CD101: variants seen among roughly 807,000 people sequenced by gnomAD.
The protein encoded by CD101 is immunoglobulin superfamily member 2.
A neutral mutation model predicts 98.2 loss-of-function variants in CD101; 76 were observed. The ratio of observed to expected loss-of-function variants is 0.77; its 90% confidence interval spans 0.64 to 0.94. The LOEUF (loss-of-function observed/expected upper bound fraction) is 0.94. Among genes scored for constraint, CD101 ranks in the 40% least tolerant of loss-of-function variants. CD101 has a pLI of 0.00. For missense variants in CD101, 1,145 were observed against 1,218.8 expected (o/e 0.94, Z 0.90); for synonymous variants, 471 against 472.7 (o/e 1.00, Z 0.05).
chr1:117,030,952 C>T (rs116322563), intron 8 of CD101, among the ~76,000 whole-genome samples: 1 of 152,246 alleles, frequency 6.6e-6, no homozygotes, highest in African/African-American at 2.4e-5. Flanking sequence ...TGATGAAGTG[C>T]TCTCATTACA....
intron 2 of CD101, 122 bp from the exon 3 acceptor site, chr1:117,011,428 G>C: frequency 1.3e-6 from 1 of 774,066 alleles, no homozygotes; most frequent in South Asian, 1.7e-5. Flanking sequence ...GAAAGCATAT[G>C]GCAAGTGGAA....
intron 1 of CD101, among the ~76,000 whole-genome samples, chr1:117,007,993 C>G (rs1570711999): frequency 6.6e-6 from 1 of 152,182 alleles, no homozygotes; most frequent in South Asian, 2.1e-4. Context: ...ACACATTTCT[C>G]TAAGACGACA....
At chr1:117,017,064 G>A (rs375424406) in intron 4 of CD101, 26 bp from the exon 5 acceptor site, 12 of 1,589,658 alleles carry the variant, frequency 7.5e-6, no homozygotes, top group Middle Eastern at 1.7e-4. Context: ...AAACAGTTTT[G>A]TTCTTCTATA....
Position 117,010,891 on chromosome 1 carries a change from AT to A in CD101, c.425-656del, listed in dbSNP as rs540575140. Reference sequence around the variant, plus strand: ...GTATCCAGTTACATGGTAATTGGCTATTTGTATGCCTCTTTCCCACCACATC... The same window carrying A: ...GTATCCAGTTACATGGTAATTGGCTATTGTATGCCTCTTTCCCACCACATC... On this transcript the variant is annotated intron_variant, in intron 2 of 9. Coordinates refer to ENST00000682167, the MANE Select transcript of CD101 (RefSeq NM_001256106.3). This position sits in a 1 kb window ranked among gnomAD's most constrained non-coding sequence, Gnocchi z 5.2. Among the ~76,000 whole-genome samples the A allele has an allele frequency of 9.2e-5, 14 of 152,150 alleles. 1 individual carries two copies. In the South Asian group the frequency reaches 2.9e-3, roughly 32 times the overall value.
At chr1:117,034,755 T>A (rs1159363085) in intron 9 of CD101, among the ~76,000 whole-genome samples, 1 of 152,246 alleles carries the variant, frequency 6.6e-6, no homozygotes, top group African/African-American at 2.4e-5. Flanking sequence ...TTTTTGTTTA[T>A]TGTTTGATAA....
Position 117,017,458 on chromosome 1 carries a change from A to C in CD101, c.1597A>C (p.Thr533Pro), listed in dbSNP as rs780201644. 3 of 1,611,050 alleles carry C rather than the reference A, an allele frequency of 1.9e-6. No individual in the cohort carries two copies. Among genetic ancestry groups the C allele is most frequent in the Non-Finnish European group, 2.5e-6 (3 of 1,177,804 alleles). Residue 533 changes from threonine (T) to proline (P), a missense_variant, in exon 5 of 10, where the codon ACT (threonine) becomes CCT (proline). By Grantham distance (38) the Thr-to-Pro change is conservative. Transcript: ENST00000682167. ...DLSWTQKISV[T>P]VKSLESSLQV... is the part of the protein sequence containing the mutation. Reference sequence around the variant, plus strand: ...GAGCTGGACTCAGAAGATTTCAGTTACTGTAAAGTCTCTGGGTAAGTGTCA... The same window carrying C: ...GAGCTGGACTCAGAAGATTTCAGTTCCTGTAAAGTCTCTGGGTAAGTGTCA...
rs116322563 is a variant in CD101 at position 117,030,952 on chromosome 1, C to G, written c.2825-2908C>G. Among the ~76,000 whole-genome samples the G allele has an allele frequency of 9.6e-4, 146 of 152,364 alleles. 1 individual carries two copies. Among genetic ancestry groups the G allele is most frequent in the African/African-American group, 3.4e-3 (141 of 41,594 alleles). On this transcript the variant is annotated intron_variant, in intron 8 of 9. Transcript: ENST00000682167. ...CTAAACTAAGCCTCATGATGAAGTGCTCTCATTACATTTTTGGCTTTGTTT... is the reference window on the plus strand; with the variant it reads ...CTAAACTAAGCCTCATGATGAAGTGGTCTCATTACATTTTTGGCTTTGTTT...
intron 9 of CD101, among the ~76,000 whole-genome samples, chr1:117,034,799 T>C (rs370941000): frequency 3.3e-5 from 5 of 152,294 alleles, no homozygotes; most frequent in Middle Eastern, 3.4e-3. Flanking sequence ...AGCAAAAACT[T>C]TGTAAAAACT....
At chr1:117,009,715 C>T in intron 1 of CD101, 135 bp from the exon 2 acceptor site, 1 of 869,014 alleles carries the variant, frequency 1.2e-6, no homozygotes, top group Non-Finnish European at 1.7e-6. Flanking sequence ...AGATGTTGAA[C>T]ATTTGAGTCA....
intron 8 of CD101, among the ~76,000 whole-genome samples, chr1:117,027,051 G>T (rs72699136): frequency 0.086 from 13,076 of 152,144 alleles, 689 homozygotes; most frequent in African/African-American, 0.12. Context: ...GAAATCATAC[G>T]CTGGTTACTT....
At chr1:117,027,410 C>A (rs140913691) in intron 8 of CD101, among the ~76,000 whole-genome samples, 1 of 152,260 alleles carries the variant, frequency 6.6e-6, no homozygotes, top group Non-Finnish European at 1.5e-5. Flanking sequence ...ACTAGGGGAA[C>A]AACAGAGGCA....
intron 4 of CD101, among the ~76,000 whole-genome samples, chr1:117,014,385 A>G (rs1175776244): frequency 6.6e-6 from 1 of 152,140 alleles, no homozygotes; most frequent in Non-Finnish European, 1.5e-5. Flanking sequence ...GTACTTAGTC[A>G]TAATTCTGAC....
In CD101 at chr1:117,021,510, T is replaced by C; in HGVS notation, c.2018-63T>C. On this transcript the variant is annotated intron_variant, in intron 6 of 9. Coordinates refer to ENST00000682167, the MANE Select transcript of CD101 (RefSeq NM_001256106.3). The surrounding 1 kb of genome is among the most constrained non-coding windows in gnomAD (Gnocchi z 4.7). ...ATGCAGTGTCATACTTGACCTCTAA[T>C]GTCTCTACTACCTTAACTTTCTATT... The C allele has an allele frequency of 1.4e-6, 2 of 1,401,862 alleles. No homozygotes were observed. Among genetic ancestry groups the C allele is most frequent in the Admixed American group, 2.5e-5 (1 of 39,928 alleles). 86.8% of individuals were successfully genotyped at this position (1,401,862 alleles called of 1,614,324 possible). A position where few individuals can be genotyped will look rare whatever the true frequency, so the allele number is the denominator to read the frequency against.
At chr1:117,035,516 A>G (rs1450073535) in intron 9 of CD101, among the ~76,000 whole-genome samples, 2 of 150,430 alleles carry the variant, frequency 1.3e-5, no homozygotes, top group African/African-American at 4.9e-5. Context: ...GTAAGGGAGC[A>G]TATTTTTACA....
At position 117,034,236 on chromosome 1, in the gene CD101, G is replaced by A. The variant is rs114640861; in HGVS notation, c.*33+102G>A. The A allele has an allele frequency of 9.8e-4, 1,050 of 1,070,584 alleles. 7 individuals carry two copies. In the African/African-American group the frequency reaches 0.012, roughly 12 times the overall value. 66.3% of individuals were successfully genotyped at this position (1,070,584 alleles called of 1,614,324 possible). On this transcript the variant is annotated intron_variant, in intron 9 of 9. Coordinates refer to ENST00000682167, the MANE Select transcript of CD101 (RefSeq NM_001256106.3). The stretch of plus-strand genomic sequence containing the variant: ...GCAAGTTACCTAGGAATCAGAGGGA[G>A]CATTCACTGAGTGCTTATTGGTTCT...
rs1411144957 is a variant in CD101 at position 117,012,287 on chromosome 1, A to G, written c.841+321A>G. Among the ~76,000 whole-genome samples, 1 of 152,174 alleles carries G rather than the reference A, an allele frequency of 6.6e-6. No homozygotes were observed. Among genetic ancestry groups the G allele is most frequent in the Non-Finnish European group, 1.5e-5 (1 of 68,022 alleles). On this transcript the variant is annotated intron_variant, in intron 3 of 9. Coordinates refer to ENST00000682167, the MANE Select transcript of CD101 (RefSeq NM_001256106.3). The surrounding 1 kb of genome is among the most constrained non-coding windows in gnomAD (Gnocchi z 4.0). The stretch of plus-strand genomic sequence containing the variant: ...ATCTACATTATCTAATTTAGTCGTA[A>G]CCACCACCCTATGAGGCAAGTAGTT...
chr1:117,010,053 G>A lies in CD101; in HGVS notation c.247G>A (p.Ala83Thr), dbSNP rs201531719. 1.6e-4 allele frequency: 260 copies of A among 1,614,188 alleles called. No homozygotes were observed. Among genetic ancestry groups the A allele is most frequent in the South Asian group, 6.1e-4 (56 of 91,078 alleles). Reference protein sequence around the residue: ...ISTKDAAFSYAVYTQRVRSGD... With the variant: ...ISTKDAAFSYTVYTQRVRSGD... Reference sequence around the variant, plus strand: ...CACCAAGGATGCTGCCTTCTCTTACGCAGTATATACGCAGCGGGTGCGAAG... The same window carrying A: ...CACCAAGGATGCTGCCTTCTCTTACACAGTATATACGCAGCGGGTGCGAAG... The change falls in exon 2 of 10, where the codon GCA becomes ACA. Residue 83 changes from alanine to threonine, a missense_variant. By Grantham distance (58) the Ala-to-Thr change is moderately conservative. Transcript: ENST00000682167. The surrounding 1 kb of genome is among the most constrained non-coding windows in gnomAD (Gnocchi z 5.2).
In CD101 at chr1:117,011,542, G is replaced by T. The variant is rs753967311; in HGVS notation, c.425-8G>T. 1.6e-5 allele frequency: 25 copies of T among 1,608,430 alleles called. No homozygotes were observed. In the South Asian group the frequency reaches 2.8e-4, roughly 18 times the overall value. ...CCAGTCACATTATTATCATTCCTTTGTTTCCAGTTATTCCAGATACCCTCT... is the reference window on the plus strand; with the variant it reads ...CCAGTCACATTATTATCATTCCTTTTTTTCCAGTTATTCCAGATACCCTCT... On this transcript the variant is annotated splice_polypyrimidine_tract_variant and splice_region_variant and intron_variant, in intron 2 of 9. Transcript: ENST00000682167.
At chr1:117,001,949 A>G in intron 1 of CD101, 89 bp downstream of exon 1, 1 of 1,212,304 alleles carries the variant, frequency 8.2e-7, no homozygotes, top group South Asian at 1.2e-5. Flanking sequence ...TTTGGTCTCT[A>G]CAGGAACAAC....
Sources: gnomAD v4.1 joint callset for allele counts (sites outside exome capture counted in the v4.1 genomes callset) on GRCh38, gnomAD v4.1.1 for gene constraint, Gnocchi (gnomAD v3.1) non-coding constraint, MANE v1.5 for transcripts, NCBI Gene and HGNC (gene_info 2026-07-23, HGNC 2026-07-21) for gene names.